Variants in ENPP3 observed in about 807,000 individuals in gnomAD.
The protein encoded by ENPP3 is ectonucleotide pyrophosphatase/phosphodiesterase family member 3.
ENPP3 carries 104 observed loss-of-function variants against 117.8 expected under a neutral mutation model. The ratio of observed to expected loss-of-function variants is 0.88; its 90% CI spans 0.75 to 1.04. The LOEUF is 1.04. Ranked by LOEUF, ENPP3 falls within the 50% of genes least tolerant of loss-of-function variation. The pLI is 0.00. For missense variants in ENPP3, 1,026 were observed against 1,051.9 expected, an observed-to-expected ratio of 0.98 and a Z score of 0.34; for synonymous variants, 380 against 349.9, an observed-to-expected ratio of 1.09 and a Z score of -0.96.
At position 131,671,345 on chromosome 6, in the gene ENPP3, T is replaced by TTAA. The variant is rs771165830; in HGVS notation, c.642+18_642+19insTAA. The TTAA allele has an allele frequency of 6.6e-7, 1 of 1,509,804 alleles. No homozygotes were observed. Among genetic ancestry groups the TTAA allele is most frequent in the Non-Finnish European group, 9.2e-7 (1 of 1,086,558 alleles). 93.5% of individuals were successfully genotyped at this position (1,509,804 alleles called of 1,614,324 possible). A position where few individuals can be genotyped will look rare whatever the true frequency, so the allele number is the denominator to read the frequency against. On this transcript the variant is annotated intron_variant, in intron 7 of 24. Coordinates refer to ENST00000357639, the MANE Select transcript of ENPP3 (RefSeq NM_005021.5). Reference sequence around the variant, plus strand: ...TTGTCACGGTAAGTGCTTGACCCAGTGGTAAGACAGGCCAAAGACCAGAAC... The same window carrying TTAA: ...TTGTCACGGTAAGTGCTTGACCCAGTTAAGGTAAGACAGGCCAAAGACCAGAAC...
Position 131,678,950 on chromosome 6 carries a change from T to C in ENPP3, c.1011+1010T>C, listed in dbSNP as rs1190892628. Among the ~76,000 whole-genome samples the C allele has an allele frequency of 4.4e-3, 446 of 101,342 alleles. 13 individuals are homozygous for C. Among genetic ancestry groups the C allele is most frequent in the African/African-American group, 0.024 (355 of 14,864 alleles). The allele number at this position is 101,342 out of a possible 152,430, so 66.5% of individuals were successfully genotyped here. ...CTTTCTTTCTTTCTTTCTTTCTTTCTTTCTTTCTTTCCTTCCTTCCTTCCT... is the reference window on the plus strand; with the variant it reads ...CTTTCTTTCTTTCTTTCTTTCTTTCCTTCTTTCTTTCCTTCCTTCCTTCCT... On this transcript the variant is annotated intron_variant, in intron 11 of 24. Transcript: ENST00000357639.
intron 11 of ENPP3, 28 bp downstream of exon 11, chr6:131,677,968 A>C: frequency 7.2e-7 from 1 of 1,395,326 alleles, no homozygotes; most frequent in Non-Finnish European, 1.0e-6. Context: ...TAAAAGAAAA[A>C]AAAAAATGTA....
chr6:131,682,931 G>C, intron 11 of ENPP3, 123 bp from the exon 12 acceptor site: 1 of 683,822 alleles, frequency 1.5e-6, no homozygotes, highest in Non-Finnish European at 2.6e-6. Flanking sequence ...TGGGCTCTGA[G>C]GTTCTGTTTC....
At chr6:131,650,319 A>T (rs750055536) in intron 3 of ENPP3, among the ~76,000 whole-genome samples, 170 bp downstream of exon 3, 1 of 151,986 alleles carries the variant, frequency 6.6e-6, no homozygotes, top group African/African-American at 2.4e-5. Flanking sequence ...TCCTGGGTCC[A>T]ATTGATCTTT....
rs770588551 is a variant in ENPP3, at chr6:131,683,071, G to A, written c.1029G>A (p.Gln343=). The A allele has an allele frequency of 5.0e-6, 8 of 1,606,562 alleles. No homozygotes were observed. In the Admixed American group the frequency reaches 1.2e-4, roughly 23 times the overall value. ...PVSARVIKAL[Q]VVDHAFGMLM... is the part of the protein sequence containing the mutation. ...TTTTTCAGGTAATTAAAGCCTTACA[G>A]GTAGTAGATCATGCTTTTGGGATGT... The change falls in exon 12 of 25, where the codon CAG becomes CAA. Residue 343 remains glutamine, a synonymous_variant. Transcript: ENST00000357639.
chr6:131,669,172 G>A (rs1778685817), intron 6 of ENPP3, among the ~76,000 whole-genome samples: 1 of 152,132 alleles, frequency 6.6e-6, no homozygotes, highest in African/African-American at 2.4e-5. Flanking sequence ...AATTGTGTAA[G>A]TGGACTAGAT....
At chr6:131,658,239 C>T in intron 5 of ENPP3, 84 bp from the exon 6 acceptor site, 1 of 731,260 alleles carries the variant, frequency 1.4e-6, no homozygotes, top group Admixed American at 2.1e-5. Flanking sequence ...TTACCTTAAA[C>T]ACAGGTCTAA....
rs73779840 is a variant in ENPP3, at chr6:131,639,774, A to G, written c.79-1681A>G. On this transcript the variant is annotated intron_variant, in intron 1 of 24. Transcript: ENST00000357639. ...TAGTTTAAGATACATGTGCACCCCA[A>G]TATCAAGAAGCTTTTTTGGAATTAC... Among the ~76,000 whole-genome samples, 1,209 of 152,258 alleles carry G rather than the reference A, an allele frequency of 7.9e-3. 24 individuals carry two copies. Among genetic ancestry groups the G allele is most frequent in the African/African-American group, 0.028 (1,164 of 41,536 alleles).
At chr6:131,679,299 T>C (rs1778971052) in intron 11 of ENPP3, among the ~76,000 whole-genome samples, 1 of 151,928 alleles carries the variant, frequency 6.6e-6, no homozygotes, top group Non-Finnish European at 1.5e-5. Context: ...TTCACCATTT[T>C]GGCCAGGATG....
At chr6:131,739,335 G>C (rs890126422) in intron 23 of ENPP3, among the ~76,000 whole-genome samples, 72 of 152,184 alleles carry the variant, frequency 4.7e-4, no homozygotes, top group African/African-American at 1.6e-3. Flanking sequence ...TGTCACATCA[G>C]TTGTATGGAT....
chr6:131,721,442 G>C (rs1780029842), intron 17 of ENPP3, among the ~76,000 whole-genome samples: 1 of 152,120 alleles, frequency 6.6e-6, no homozygotes. Flanking sequence ...TTGCAGAACT[G>C]GTTAAAAGGA....
intron 13 of ENPP3, 117 bp downstream of exon 13, chr6:131,685,612 AC>A: frequency 1.0e-6 from 1 of 963,972 alleles, no homozygotes; most frequent in Non-Finnish European, 1.6e-6. Flanking sequence ...TCTTGAGAAG[AC>A]CACAGAGAAA....
chr6:131,691,851 G>A (rs1215439575), intron 14 of ENPP3, among the ~76,000 whole-genome samples: 1 of 152,134 alleles, frequency 6.6e-6, no homozygotes, highest in Non-Finnish European at 1.5e-5. Flanking sequence ...CTGCCTGGAA[G>A]TTACAAAAAT....
At chr6:131,690,272 G>A (rs986752440) in intron 14 of ENPP3, among the ~76,000 whole-genome samples, 1 of 152,110 alleles carries the variant, frequency 6.6e-6, no homozygotes, top group African/African-American at 2.4e-5. Flanking sequence ...TTTGTGAAAG[G>A]CAGGGTCCAC....
chr6:131,658,732 C>A (rs1778438033), intron 6 of ENPP3, among the ~76,000 whole-genome samples: 1 of 152,114 alleles, frequency 6.6e-6, no homozygotes. Flanking sequence ...TTTGTCAGAC[C>A]CAGGTTCTGG....
At chr6:131,744,704 G>A (rs1188449724) in intron 24 of ENPP3, among the ~76,000 whole-genome samples, 1 of 151,990 alleles carries the variant, frequency 6.6e-6, no homozygotes, top group African/African-American at 2.4e-5. Context: ...GAATAAGAAC[G>A]TGGATAGGGC....
chr6:131,688,210 G>C (rs1310398751), intron 14 of ENPP3, among the ~76,000 whole-genome samples: 1 of 152,146 alleles, frequency 6.6e-6, no homozygotes, highest in Non-Finnish European at 1.5e-5. Flanking sequence ...AAACTTAACA[G>C]ATAAATATTA....
At chr6:131,671,371 T>A in intron 7 of ENPP3, 44 bp downstream of exon 7, 1 of 1,139,988 alleles carries the variant, frequency 8.8e-7, no homozygotes, top group Non-Finnish European at 1.3e-6. Flanking sequence ...AGACCAGAAC[T>A]GACCACATAA....
In ENPP3 at chr6:131,740,133, T is replaced by A. The variant is rs1406243109; in HGVS notation, c.2301-91T>A. The A allele has an allele frequency of 3.4e-6, 3 of 890,284 alleles. No individual in the cohort carries two copies. The East Asian group carries it at 9.3e-5, about 28-fold the overall frequency. The allele number at this position is 890,284 out of a possible 1,614,324, so 55.1% of individuals were successfully genotyped here. A position where few individuals can be genotyped will look rare whatever the true frequency, so the allele number is the denominator to read the frequency against. On this transcript the variant is annotated intron_variant, in intron 23 of 24. Transcript: ENST00000357639. ...GAATTATAAGAATTATTATTTTACATGTATATGAAAAAAACTATGTAAACA... is the reference window on the plus strand; with the variant it reads ...GAATTATAAGAATTATTATTTTACAAGTATATGAAAAAAACTATGTAAACA...
Sources: gnomAD v4.1 joint callset for allele counts (sites outside exome capture counted in the v4.1 genomes callset) on GRCh38, gnomAD v4.1.1 for gene constraint, MANE v1.5 for transcripts, NCBI Gene and HGNC (gene_info 2026-07-23, HGNC 2026-07-21) for gene names.